Variants in RAVER2 observed in about 807,000 individuals in gnomAD.
RAVER2 encodes ribonucleoprotein PTB-binding 2.
In RAVER2, 46 loss-of-function variants were observed where a neutral mutation model predicts 78.1. That is an observed-to-expected ratio of 0.59 (90% CI 0.46 to 0.75). The LOEUF is 0.75. Ranked by LOEUF, RAVER2 falls within the 30% of genes least tolerant of loss-of-function variation. RAVER2 has a pLI of 0.00. For missense variants in RAVER2, 793 were observed against 837.5 expected, an observed-to-expected ratio of 0.95 and a Z score of 0.66; for synonymous variants, 311 against 313.3, an observed-to-expected ratio of 0.99 and a Z score of 0.08.
chr1:64,833,111 A>C (rs1187953139), exon 12 of RAVER2: 1 of 176,760 alleles, frequency 5.7e-6, no homozygotes. Flanking sequence ...GTTTGTTAGT[A>C]GTAAGGACCG....
Position 64,749,948 on chromosome 1 carries a change from G to A in RAVER2, c.249+4527G>A, listed in dbSNP as rs561941268. Among the ~76,000 whole-genome samples, 12 of 152,096 alleles carry A rather than the reference G, an allele frequency of 7.9e-5. No individual in the cohort carries two copies. In the South Asian group the frequency reaches 2.5e-3, roughly 32 times the overall value. On this transcript the variant is annotated intron_variant, in intron 1 of 11. Coordinates refer to ENST00000294428, the Ensembl canonical transcript of RAVER2. ...TTCACTTAGGTTTTTTTTCTTACAG[G>A]TCTTATGTGTGTGCATGTGTTTTGT...
intron 5 of RAVER2, among the ~76,000 whole-genome samples, 156 bp from the exon 6 acceptor site, chr1:64,802,820 T>C (rs1217607111): frequency 1.3e-5 from 2 of 152,218 alleles, no homozygotes; most frequent in Non-Finnish European, 2.9e-5. Flanking sequence ...AAGGTACCTA[T>C]CACTTTTGAC....
At chr1:64,762,821 T>C (rs1652058229) in intron 1 of RAVER2, among the ~76,000 whole-genome samples, 1 of 152,088 alleles carries the variant, frequency 6.6e-6, no homozygotes, top group South Asian at 2.1e-4. Context: ...CTTGGGTAGG[T>C]AAAGATTTCT....
chr1:64,784,943 C>T (rs1434622957), intron 4 of RAVER2, among the ~76,000 whole-genome samples: 1 of 152,168 alleles, frequency 6.6e-6, no homozygotes, highest in Non-Finnish European at 1.5e-5. Flanking sequence ...TAGAATAATT[C>T]CCTGCGTGGT....
chr1:64,781,935 A>C (rs1373816766), intron 4 of RAVER2, among the ~76,000 whole-genome samples: 1 of 151,636 alleles, frequency 6.6e-6, no homozygotes, highest in Non-Finnish European at 1.5e-5. Context: ...ATGGAGTTTC[A>C]CTCTTTCACC....
At chr1:64,812,848 A>T in exon 10 of RAVER2, 1 of 1,584,184 alleles carries the variant, frequency 6.3e-7, no homozygotes, top group Non-Finnish European at 8.6e-7. Flanking sequence ...TGTGCTTATC[A>T]TGTAAGTAGG....
Position 64,745,280 on chromosome 1 carries a change from A to G in RAVER2, c.108A>G (p.Glu36=). 2 of 1,413,904 alleles carry G rather than the reference A, an allele frequency of 1.4e-6. No homozygotes were observed. The highest frequency in any genetic ancestry group is 2.8e-5 in the South Asian group (2 of 71,100). 87.6% of individuals were successfully genotyped at this position (1,413,904 alleles called of 1,614,324 possible). A position where few individuals can be genotyped will look rare whatever the true frequency, so the allele number is the denominator to read the frequency against. The change falls in exon 1 of 12, where the codon GAA becomes GAG. Residue 36 remains glutamate, a synonymous_variant. Transcript: ENST00000294428. This position sits in a 1 kb window ranked among gnomAD's most constrained non-coding sequence, Gnocchi z 4.3. ...TGCGCGGGCAGGGCCCCTCAGCCGA[A>G]GCGCACGAGGGCGCCCCGGACCCGA...
chr1:64,826,168 A>G (rs751911278), intron 11 of RAVER2, among the ~76,000 whole-genome samples: 2 of 152,268 alleles, frequency 1.3e-5, no homozygotes, highest in African/African-American at 2.4e-5. Flanking sequence ...AATGTCTACT[A>G]TATGACAGGA....
At chr1:64,798,286 G>T (rs1187681969) in intron 5 of RAVER2, among the ~76,000 whole-genome samples, 1 of 136,168 alleles carries the variant, frequency 7.3e-6, no homozygotes, top group Non-Finnish European at 1.6e-5. Flanking sequence ...GTATTCCATG[G>T]TGTATATGTG....
intron 11 of RAVER2, among the ~76,000 whole-genome samples, chr1:64,827,241 A>T (rs1570588132): frequency 6.6e-6 from 1 of 152,336 alleles, no homozygotes; most frequent in Admixed American, 6.5e-5. Context: ...TAGAAAGCAA[A>T]GCATCAGCTG....
At position 64,745,452 on chromosome 1, in the gene RAVER2, C is replaced by T. The variant is rs1215243262; in HGVS notation, c.249+31C>T. ...GGGACGGTGATAGGGGCGACGCGTC[C>T]CGAGGGGCGGCGGGGCGGCGCTCCG... On this transcript the variant is annotated intron_variant, in intron 1 of 11. Transcript: ENST00000294428. This position sits in a 1 kb window ranked among gnomAD's most constrained non-coding sequence, Gnocchi z 4.3. 1.3e-6 allele frequency: 2 copies of T among 1,503,054 alleles called. No homozygotes were observed. Among genetic ancestry groups the T allele is most frequent in the Non-Finnish European group, 8.9e-7 (1 of 1,117,996 alleles). 93.1% of individuals were successfully genotyped at this position (1,503,054 alleles called of 1,614,324 possible).
intron 11 of RAVER2, among the ~76,000 whole-genome samples, chr1:64,829,047 G>A (rs1218584477): frequency 3.9e-5 from 6 of 152,170 alleles, no homozygotes; most frequent in African/African-American, 1.4e-4. Context: ...GCTCAGTGAA[G>A]TTTTTTGCTG....
chr1:64,782,764 A>G (rs1652666638), intron 4 of RAVER2, among the ~76,000 whole-genome samples: 1 of 152,194 alleles, frequency 6.6e-6, no homozygotes, highest in Non-Finnish European at 1.5e-5. Context: ...ATGCCAAAGC[A>G]AGGAAGACTA....
At chr1:64,746,450 C>G (rs1223717364) in intron 1 of RAVER2, among the ~76,000 whole-genome samples, 1 of 152,208 alleles carries the variant, frequency 6.6e-6, no homozygotes, top group South Asian at 2.1e-4. Context: ...CTGGTAGTTG[C>G]GGATTTGTAG....
At chr1:64,785,734 C>T (rs1235906638) in intron 4 of RAVER2, among the ~76,000 whole-genome samples, 1 of 152,076 alleles carries the variant, frequency 6.6e-6, no homozygotes, top group Non-Finnish European at 1.5e-5. Flanking sequence ...TTATTCTCAC[C>T]TCCATCTGCT....
rs1651518925 is a variant in RAVER2 at position 64,745,872 on chromosome 1, G to C, written c.249+451G>C. On this transcript the variant is annotated intron_variant, in intron 1 of 11. Coordinates refer to ENST00000294428, the Ensembl canonical transcript of RAVER2. This position sits in a 1 kb window ranked among gnomAD's most constrained non-coding sequence, Gnocchi z 4.3. Reference sequence around the variant, plus strand: ...CCCCGGTGCTCGGGAGTGCCATAGGGGGCAGGGGCACGAGAGAGCTGGGAG... The same window carrying C: ...CCCCGGTGCTCGGGAGTGCCATAGGCGGCAGGGGCACGAGAGAGCTGGGAG... Among the ~76,000 whole-genome samples the C allele has an allele frequency of 6.6e-6, 1 of 152,168 alleles. No individual in the cohort carries two copies. The highest frequency in any genetic ancestry group is 6.5e-5 in the Admixed American group (1 of 15,280).
chr1:64,777,475 C>T, intron 2 of RAVER2, 148 bp from the exon 3 acceptor site: 2 of 626,076 alleles, frequency 3.2e-6, no homozygotes, highest in Non-Finnish European at 5.4e-6. Flanking sequence ...TGTCACAATG[C>T]ATTGCATATA....
At chr1:64,824,775 C>A (rs1557608203) in intron 11 of RAVER2, among the ~76,000 whole-genome samples, 2 of 151,354 alleles carry the variant, frequency 1.3e-5, no homozygotes, top group Non-Finnish European at 1.5e-5. Context: ...ACAGAAAATA[C>A]AAAAAATTAG....
intron 9 of RAVER2, among the ~76,000 whole-genome samples, chr1:64,811,045 G>A (rs1653589121): frequency 6.6e-6 from 1 of 152,136 alleles, no homozygotes; most frequent in South Asian, 2.1e-4. Context: ...ACCATAACAT[G>A]TATACAAACC....
Sources: allele counts gnomAD v4.1 joint callset (sites outside exome capture counted in the v4.1 genomes callset), GRCh38; gene constraint gnomAD v4.1.1; non-coding constraint Gnocchi (gnomAD v3.1); transcripts MANE v1.5; gene names NCBI Gene and HGNC (gene_info 2026-07-23, HGNC 2026-07-21).